The following DLGAP2 variants were observed in gnomAD, a reference collection of about 807,000 sequenced individuals.
DLGAP2 encodes DLG associated protein 2.
DLGAP2 carries 26 observed loss-of-function variants against 100.3 expected under a neutral mutation model. That is an observed-to-expected ratio of 0.26 (90% CI 0.19 to 0.36). DLGAP2 has a LOEUF of 0.36. Ranked by LOEUF, DLGAP2 falls within the 10% of genes least tolerant of loss-of-function variation. The probability of loss-of-function intolerance (pLI) is 1.00; values close to 1 mark genes in which losing one functional copy is unlikely to be tolerated. For missense variants in DLGAP2, 1,858 were observed against 1,453.2 expected (o/e 1.28, Z -4.53); for synonymous variants, 886 against 630.1 (o/e 1.41, Z -6.08).
At chr8:1,167,189 C>T (rs563238304) in intron 2 of DLGAP2, among the ~76,000 whole-genome samples, 3 of 151,878 alleles carry the variant, frequency 2.0e-5, no homozygotes, top group South Asian at 4.2e-4. Context: ...CTTACATGAC[C>T]GAAAAAGTTA....
At chr8:763,171 G>A (rs568543392) in intron 1 of DLGAP2, among the ~76,000 whole-genome samples, 65 of 152,324 alleles carry the variant, frequency 4.3e-4, no homozygotes, top group African/African-American at 1.5e-3. Context: ...CCGTGCCCTG[G>A]AAGGAGCACG....
intron 1 of DLGAP2, among the ~76,000 whole-genome samples, chr8:787,868 G>A (rs1330597966): frequency 6.6e-6 from 1 of 152,224 alleles, no homozygotes; most frequent in East Asian, 1.9e-4. Context: ...GGTGAGGGAT[G>A]AGGGGTGACG....
intron 2 of DLGAP2, among the ~76,000 whole-genome samples, chr8:943,526 C>A (rs901981480): frequency 6.6e-6 from 1 of 152,180 alleles, no homozygotes; most frequent in Admixed American, 6.5e-5. Context: ...TGTACAAGAT[C>A]ATGTGGAGGA....
chr8:1,512,797 A>G (rs1481844790), intron 4 of DLGAP2, among the ~76,000 whole-genome samples: 1 of 152,260 alleles, frequency 6.6e-6, no homozygotes, highest in Admixed American at 6.5e-5. Flanking sequence ...CTGGGTGACT[A>G]CTGCCAACAT....
chr8:1,061,513 A>T (rs1235684153), intron 2 of DLGAP2, among the ~76,000 whole-genome samples: 1 of 151,994 alleles, frequency 6.6e-6, no homozygotes, highest in Non-Finnish European at 1.5e-5. Context: ...TCTTATTTGC[A>T]TCCCCCCCTC....
intron 3 of DLGAP2, among the ~76,000 whole-genome samples, chr8:1,382,353 G>C (rs1463869859): frequency 6.6e-6 from 1 of 152,230 alleles, no homozygotes; most frequent in Non-Finnish European, 1.5e-5. Flanking sequence ...CAGGGTGGCA[G>C]AGGAGGAAGA....
intron 2 of DLGAP2, among the ~76,000 whole-genome samples, chr8:957,178 C>T (rs1397993692): frequency 2.0e-5 from 3 of 152,218 alleles, no homozygotes; most frequent in African/African-American, 4.8e-5. Context: ...AGTCCTGGAC[C>T]TGGCATAGGA....
At chr8:1,339,106 T>G (rs1017910993) in intron 3 of DLGAP2, among the ~76,000 whole-genome samples, 2 of 149,784 alleles carry the variant, frequency 1.3e-5, no homozygotes, top group African/African-American at 5.0e-5. Context: ...CAGCGTGGCG[T>G]CAGGACCCGG....
chr8:1,274,463 A>T (rs1338320485), intron 3 of DLGAP2, among the ~76,000 whole-genome samples: 1 of 148,426 alleles, frequency 6.7e-6, no homozygotes, highest in African/African-American at 2.4e-5. Flanking sequence ...GTGACTTTGG[A>T]TTTATTTTAG....
intron 6 of DLGAP2, among the ~76,000 whole-genome samples, chr8:1,606,613 C>T (rs570020489): frequency 2.0e-5 from 3 of 152,264 alleles, no homozygotes; most frequent in East Asian, 3.9e-4. Context: ...GTTTATTTAC[C>T]CATCCATCAT....
At chr8:1,034,050 G>A (rs1202212181) in intron 2 of DLGAP2, among the ~76,000 whole-genome samples, 5 of 105,980 alleles carry the variant, frequency 4.7e-5, no homozygotes, top group South Asian at 3.4e-4. Context: ...CCGACCCCGC[G>A]TGTCACCGCG....
intron 2 of DLGAP2, among the ~76,000 whole-genome samples, chr8:1,055,611 T>C (rs1017564491): frequency 2.6e-5 from 4 of 152,238 alleles, no homozygotes; most frequent in Non-Finnish European, 4.4e-5. Flanking sequence ...GTCTTCTCAC[T>C]GTTGGACTTC....
intron 3 of DLGAP2, among the ~76,000 whole-genome samples, chr8:1,289,291 C>T (rs1371863738): frequency 1.3e-5 from 2 of 152,212 alleles, no homozygotes; most frequent in South Asian, 2.1e-4. Flanking sequence ...GAGACAGCTA[C>T]TTATTTGACC....
intron 2 of DLGAP2, among the ~76,000 whole-genome samples, chr8:1,079,624 A>T (rs1001894696): frequency 6.6e-6 from 1 of 152,212 alleles, no homozygotes; most frequent in African/African-American, 2.4e-5. Flanking sequence ...ACATTTATGG[A>T]CTGTGAACGA....
intron 1 of DLGAP2, among the ~76,000 whole-genome samples, chr8:797,426 T>TGAAGTTAAG (rs1796058844): frequency 6.6e-6 from 1 of 152,260 alleles, no homozygotes; most frequent in Admixed American, 6.5e-5. Context: ...TGCTGAAGAA[T>TGAAGTTAAG]GTGCCACATT....
At chr8:1,670,920 G>C (rs1029488113) in intron 10 of DLGAP2, among the ~76,000 whole-genome samples, 1 of 152,242 alleles carries the variant, frequency 6.6e-6, no homozygotes, top group African/African-American at 2.4e-5. Flanking sequence ...GGAGGCGTCA[G>C]GAGGGGAGCT....
At chr8:913,462 G>T (rs574393049) in intron 2 of DLGAP2, among the ~76,000 whole-genome samples, 2 of 152,224 alleles carry the variant, frequency 1.3e-5, no homozygotes, top group Non-Finnish European at 2.9e-5. Flanking sequence ...AGAGTTTGGC[G>T]TGAGCGTATA....
chr8:1,122,469 G>C (rs776252410), intron 2 of DLGAP2, among the ~76,000 whole-genome samples: 12 of 152,174 alleles, frequency 7.9e-5, no homozygotes, highest in Non-Finnish European at 1.8e-4. Flanking sequence ...GGAACGTAGA[G>C]AAAGATCACA....
chr8:1,008,533 G>A (rs1186906741), intron 2 of DLGAP2, among the ~76,000 whole-genome samples: 5 of 152,186 alleles, frequency 3.3e-5, no homozygotes, highest in Non-Finnish European at 7.3e-5. Flanking sequence ...AATTTCCGAT[G>A]GCTGTTCCTG....
Sources: allele counts gnomAD v4.1 joint callset (sites outside exome capture counted in the v4.1 genomes callset), GRCh38; gene constraint gnomAD v4.1.1; transcripts MANE v1.5; gene names NCBI Gene and HGNC (gene_info 2026-07-23, HGNC 2026-07-21).